DLG2: variants seen among roughly 807,000 people sequenced by gnomAD.
DLG2 encodes disks large homolog 2.
DLG2 carries 45 observed loss-of-function variants against 132.5 expected under a neutral mutation model. The observed-to-expected ratio is 0.34, with a 90% CI of 0.27 to 0.44. The LOEUF (loss-of-function observed/expected upper bound fraction) is 0.44. Ranked by LOEUF, DLG2 falls within the 20% of genes least tolerant of loss-of-function variation. DLG2 has a pLI of 1.00. For missense variants in DLG2, 1,045 were observed against 1,196.9 expected (o/e 0.87, Z 1.87); for synonymous variants, 424 against 419.6 (o/e 1.01, Z -0.13).
intron 4 of DLG2, among the ~76,000 whole-genome samples, chr11:85,174,210 C>T (rs1045457460): frequency 6.6e-6 from 1 of 152,172 alleles, no homozygotes; most frequent in African/African-American, 2.4e-5. Context: ...AAATTGATCA[C>T]ATAAATGGAA....
chr11:84,735,170 A>T (rs902255228), intron 6 of DLG2, among the ~76,000 whole-genome samples: 11 of 152,152 alleles, frequency 7.2e-5, no homozygotes, highest in Non-Finnish European at 1.0e-4. Flanking sequence ...GTTAGGGAAG[A>T]TTCCTTCTTT....
chr11:85,162,961 G>A (rs1221874541), intron 4 of DLG2, among the ~76,000 whole-genome samples: 1 of 152,126 alleles, frequency 6.6e-6, no homozygotes, highest in Non-Finnish European at 1.5e-5. Context: ...CCTTAATCTG[G>A]ATAGGCACCA....
chr11:85,504,946 T>C (rs984188394), intron 3 of DLG2, among the ~76,000 whole-genome samples: 4 of 152,194 alleles, frequency 2.6e-5, no homozygotes, highest in African/African-American at 9.7e-5. Flanking sequence ...TAAGTTGGAT[T>C]CCTAGGTATT....
chr11:84,335,996 T>C (rs2098482906), intron 7 of DLG2, among the ~76,000 whole-genome samples: 1 of 152,230 alleles, frequency 6.6e-6, no homozygotes, highest in African/African-American at 2.4e-5. Context: ...ACATAAATTT[T>C]TATTATTTTA....
At chr11:84,134,965 A>C (rs1445904633) in intron 9 of DLG2, among the ~76,000 whole-genome samples, 1 of 152,056 alleles carries the variant, frequency 6.6e-6, no homozygotes, top group Non-Finnish European at 1.5e-5. Flanking sequence ...AGGAGGAAAC[A>C]TAAAGTGGCT....
intron 7 of DLG2, among the ~76,000 whole-genome samples, chr11:84,492,037 A>G (rs1800342391): frequency 6.6e-6 from 1 of 152,292 alleles, no homozygotes; most frequent in South Asian, 2.1e-4. Context: ...CATTTTAAGT[A>G]AACATGAGGT....
chr11:84,234,267 C>G (rs2097131239), intron 8 of DLG2, among the ~76,000 whole-genome samples: 1 of 152,146 alleles, frequency 6.6e-6, no homozygotes, highest in Non-Finnish European at 1.5e-5. Flanking sequence ...GGCCAGCCTC[C>G]AAGTGTATTT....
chr11:85,407,236 T>A (rs2088838571), intron 3 of DLG2, among the ~76,000 whole-genome samples: 1 of 151,854 alleles, frequency 6.6e-6, no homozygotes, highest in Admixed American at 6.6e-5. Context: ...TTTGCAAAAT[T>A]TTTAGCAGAG....
At chr11:84,565,027 A>G (rs919104572) in intron 6 of DLG2, among the ~76,000 whole-genome samples, 1 of 152,216 alleles carries the variant, frequency 6.6e-6, no homozygotes, top group Non-Finnish European at 1.5e-5. Context: ...GTGTATCACT[A>G]CATTTTAAAT....
In DLG2 at chr11:85,506,216, T is replaced by C. The variant is rs537412482; in HGVS notation, c.40+92441A>G. On this transcript the variant is annotated intron_variant, in intron 3 of 27. Transcript: ENST00000376104. ...AGGGTTTTTTGTATCTCTGTCTCCT[T>C]CAGTTCTGCTCTGATCTTAGTTATT... 9.7e-4 allele frequency among the ~76,000 whole-genome samples: 148 copies of C among 152,316 alleles called. 2 individuals carry two copies. In the Middle Eastern group the frequency reaches 0.014, roughly 14 times the overall value.
intron 8 of DLG2, among the ~76,000 whole-genome samples, chr11:84,184,288 T>A (rs1235611003): frequency 6.6e-6 from 1 of 151,188 alleles, no homozygotes; most frequent in Admixed American, 6.6e-5. Flanking sequence ...TGAGATGGTA[T>A]CTCATTGTGG....
At chr11:85,188,389 A>G (rs1035210953) in intron 4 of DLG2, among the ~76,000 whole-genome samples, 5 of 152,130 alleles carry the variant, frequency 3.3e-5, no homozygotes, top group Middle Eastern at 3.2e-3. Flanking sequence ...AGCAATAACA[A>G]CCATCAGAGT....
At chr11:84,984,381 A>G (rs1319672148) in intron 6 of DLG2, among the ~76,000 whole-genome samples, 1 of 152,208 alleles carries the variant, frequency 6.6e-6, no homozygotes, top group Non-Finnish European at 1.5e-5. Context: ...CAGTGAAACT[A>G]AGTTTCATAA....
At position 85,472,286 on chromosome 11, in the gene DLG2, A is replaced by G. The variant is rs535753550; in HGVS notation, c.40+126371T>C. On this transcript the variant is annotated intron_variant, in intron 3 of 27. Transcript: ENST00000376104. ...GGGCTACCCACCTCAGGTCCTCTCA[A>G]CTGAGAACTGTTTTTTGTTTTTGTT... 2.6e-5 allele frequency among the ~76,000 whole-genome samples: 4 copies of G among 151,906 alleles called. No individual in the cohort carries two copies. In the East Asian group the frequency reaches 7.7e-4, roughly 29 times the overall value.
At chr11:83,995,219 TG>T (rs1217324637) in intron 11 of DLG2, among the ~76,000 whole-genome samples, 1 of 152,020 alleles carries the variant, frequency 6.6e-6, no homozygotes, top group Admixed American at 6.6e-5. Flanking sequence ...CAGACCAATG[TG>T]GAAAGAATTA....
chr11:85,342,034 G>A (rs565565176), intron 3 of DLG2, among the ~76,000 whole-genome samples: 41 of 152,166 alleles, frequency 2.7e-4, no homozygotes, highest in Non-Finnish European at 5.3e-4. Context: ...AGTGAGTGGT[G>A]AGTGCATGTG....
chr11:85,432,589 G>A (rs74948414), intron 3 of DLG2, among the ~76,000 whole-genome samples: 3,007 of 151,732 alleles, frequency 0.02, 58 homozygotes, highest in Admixed American at 0.037. Flanking sequence ...GAGTATCAGA[G>A]ATGGAATAAC....
chr11:83,612,665 G>A (rs188877638), intron 19 of DLG2, among the ~76,000 whole-genome samples: 10 of 152,266 alleles, frequency 6.6e-5, no homozygotes, highest in African/African-American at 2.4e-4. Flanking sequence ...TATGAGAGTA[G>A]GTGCAGAGGT....
At chr11:84,649,002 A>T (rs2099678374) in intron 6 of DLG2, among the ~76,000 whole-genome samples, 1 of 152,174 alleles carries the variant, frequency 6.6e-6, no homozygotes, top group Non-Finnish European at 1.5e-5. Context: ...TTTCTAAAGC[A>T]ACAAAATGAA....
Sources: gnomAD v4.1 joint callset for allele counts (sites outside exome capture counted in the v4.1 genomes callset) on GRCh38, gnomAD v4.1.1 for gene constraint, MANE v1.5 for transcripts, NCBI Gene and HGNC (gene_info 2026-07-23, HGNC 2026-07-21) for gene names.